The following SPARC variants were observed in gnomAD, a reference collection of about 807,000 sequenced individuals.
SPARC encodes the protein basement-membrane protein 40.
In SPARC, 23 loss-of-function variants were observed where a neutral mutation model predicts 37.7. The ratio of observed to expected loss-of-function variants is 0.61; its 90% CI spans 0.44 to 0.87. SPARC has a LOEUF of 0.87. SPARC is among the 40% of genes least tolerant of loss of function. SPARC has a pLI of 0.00. For missense variants in SPARC, 312 were observed against 389.0 expected (o/e 0.80, Z 1.66); for synonymous variants, 155 against 150.8 (o/e 1.03, Z -0.20).
At chr5:151,670,213 C>T (rs568517669) in intron 5 of SPARC, among the ~76,000 whole-genome samples, 4 of 152,336 alleles carry the variant, frequency 2.6e-5, no homozygotes, top group Admixed American at 1.3e-4. Context: ...GGAAACAGTT[C>T]TCTGCACTGT....
At chr5:151,681,829 G>A (rs959313742) in intron 1 of SPARC, among the ~76,000 whole-genome samples, 50 of 152,316 alleles carry the variant, frequency 3.3e-4, no homozygotes, top group African/African-American at 1.1e-3. Flanking sequence ...GGAGGCAGAG[G>A]TTGCAGTGAG....
intron 1 of SPARC, among the ~76,000 whole-genome samples, chr5:151,680,147 G>A (rs1223207886): frequency 6.7e-6 from 1 of 150,078 alleles, no homozygotes; most frequent in Non-Finnish European, 1.5e-5. Context: ...AAGGACTGAG[G>A]CCAATCCAAA....
chr5:151,685,418 T>TCACACACACACACACA (rs1300799488), intron 1 of SPARC, among the ~76,000 whole-genome samples: 1 of 62,012 alleles, frequency 1.6e-5, no homozygotes, highest in African/African-American at 4.5e-5. Context: ...TCTCCCTCTC[T>TCACACACACACACACA]CTCTCACACA....
At chr5:151,676,297 G>T in intron 1 of SPARC, 96 bp from the exon 2 acceptor site, 1 of 813,676 alleles carries the variant, frequency 1.2e-6, no homozygotes, top group Non-Finnish European at 2.0e-6. Context: ...ATGTTAGATG[G>T]TACAAGTTAA....
Position 151,680,132 on chromosome 5 carries a change from T to C in SPARC, c.-13-3931A>G, listed in dbSNP as rs529728873. 2.6e-5 allele frequency among the ~76,000 whole-genome samples: 4 copies of C among 151,346 alleles called. No homozygotes were observed. In the East Asian group the frequency reaches 7.7e-4, roughly 29 times the overall value. On this transcript the variant is annotated intron_variant, in intron 1 of 9. Coordinates refer to ENST00000231061, the MANE Select transcript of SPARC (RefSeq NM_003118.4). ...CCAATTTTTTTATTTAAAAATTTTA[T>C]GCAAAAGGACTGAGGCCAATCCAAA...
At chr5:151,667,348 G>T in intron 7 of SPARC, 119 bp downstream of exon 7, 3 of 1,109,600 alleles carry the variant, frequency 2.7e-6, no homozygotes, top group Non-Finnish European at 4.1e-6. Flanking sequence ...GTGTCCTGGT[G>T]CTCAGGGGTA....
At chr5:151,678,577 T>A (rs1233720357) in intron 1 of SPARC, among the ~76,000 whole-genome samples, 1 of 152,130 alleles carries the variant, frequency 6.6e-6, no homozygotes, top group Non-Finnish European at 1.5e-5. Flanking sequence ...ACTGTCCTAA[T>A]GGGGAATCTG....
At chr5:151,667,078 G>A (rs908757084) in intron 7 of SPARC, among the ~76,000 whole-genome samples, 1 of 152,128 alleles carries the variant, frequency 6.6e-6, no homozygotes, top group African/African-American at 2.4e-5. Flanking sequence ...CAGCTTCCTG[G>A]GCCTTGCTTT....
intron 3 of SPARC, 57 bp downstream of exon 3, chr5:151,674,555 T>G (rs988578413): frequency 6.4e-7 from 1 of 1,550,648 alleles, no homozygotes; most frequent in Non-Finnish European, 8.9e-7. Flanking sequence ...CCCTAATTTC[T>G]CAGGGCACAG....
At position 151,666,527 on chromosome 5, in the gene SPARC, G is replaced by T. The variant is rs1272609734; in HGVS notation, c.586-18C>A. 2 of 1,611,512 alleles carry T rather than the reference G, an allele frequency of 1.2e-6. No homozygotes were observed. The highest frequency in any genetic ancestry group is 2.2e-5 in the South Asian group (2 of 90,602). ...TTCTTCACCTGAGGGAGTAGAGACT[G>T]TGTGTGACAAGAGGTCCATGGAGAT... On this transcript the variant is annotated intron_variant, in intron 7 of 9. Coordinates refer to ENST00000231061, the MANE Select transcript of SPARC (RefSeq NM_003118.4).
intron 7 of SPARC, 73 bp from the exon 8 acceptor site, chr5:151,666,582 TC>T: frequency 7.0e-7 from 1 of 1,435,672 alleles, no homozygotes; most frequent in Non-Finnish European, 9.5e-7. Flanking sequence ...CTCCCACCCC[TC>T]CCAGAAGGCC....
Position 151,669,762 on chromosome 5 carries a change from G to T in SPARC, c.353C>A (p.Thr118Asn), listed in dbSNP as rs536199375. 6.2e-7 allele frequency: 1 copy of T among 1,614,200 alleles called. No individual in the cohort carries two copies. The highest frequency in any genetic ancestry group is 1.1e-5 in the South Asian group (1 of 91,084). Residue 118 changes from threonine (T) to asparagine (N), a missense_variant, in exon 6 of 10, where the codon ACC (threonine) becomes AAC (asparagine). Coordinates refer to ENST00000231061, the MANE Select transcript of SPARC (RefSeq NM_003118.4). ...AAAGAAGTGGCAGGAAGAGTCGAAG[G>T]TCTTGTTGTCATTGCTGCACACCTG... ...FEKVCSNDNK[T>N]FDSSCHFFAT...
chr5:151,673,071 C>T, intron 4 of SPARC, 58 bp downstream of exon 4: 1 of 1,256,958 alleles, frequency 8.0e-7, no homozygotes, highest in Non-Finnish European at 1.2e-6. Context: ...TCCTCGTGCC[C>T]CAGGCCCAGG....
At chr5:151,669,153 C>T (rs148230983) in intron 6 of SPARC, among the ~76,000 whole-genome samples, 95 of 152,242 alleles carry the variant, frequency 6.2e-4, no homozygotes, top group Admixed American at 2.3e-3. Context: ...CCTCTCTCTT[C>T]GGAGGGCAGA....
intron 1 of SPARC, chr5:151,676,810 A>C (rs1760868384): frequency 6.6e-6 from 1 of 152,206 alleles, no homozygotes; most frequent in Non-Finnish European, 1.5e-5. Context: ...CTCCCTCTGC[A>C]ATGGGAGAAG....
chr5:151,664,659 T>A (rs573286606), intron 8 of SPARC, among the ~76,000 whole-genome samples: 1 of 152,218 alleles, frequency 6.6e-6, no homozygotes, highest in Non-Finnish European at 1.5e-5. Context: ...ATATTGTCTA[T>A]GGACACACAT....
Position 151,664,168 on chromosome 5 carries a change from G to A in SPARC, c.802C>T (p.Arg268Cys), listed in dbSNP as rs747447780. Reference sequence around the variant, plus strand: ...TCCAGGTCACAGGTCTCGAAAAAGCGGGTGGTGCAATGCTCCATGGGGATG... The same window carrying A: ...TCCAGGTCACAGGTCTCGAAAAAGCAGGTGGTGCAATGCTCCATGGGGATG... ...PLIPMEHCTT[R>C]FFETCDLDND... The change falls in exon 9 of 10, where the codon CGC becomes TGC. Residue 268 changes from arginine (R) to cysteine (C), a missense_variant. Physicochemically the swap from Arg to Cys is radical, Grantham distance 180 (BLOSUM62 -3). Coordinates refer to ENST00000231061, the MANE Select transcript of SPARC (RefSeq NM_003118.4). The A allele has an allele frequency of 2.3e-5, 37 of 1,614,038 alleles. No individual in the cohort carries two copies. Among genetic ancestry groups the A allele is most frequent in the Admixed American group, 8.3e-5 (5 of 59,998 alleles).
At chr5:151,665,419 C>T (rs1023822829) in intron 8 of SPARC, among the ~76,000 whole-genome samples, 5 of 152,182 alleles carry the variant, frequency 3.3e-5, no homozygotes, top group African/African-American at 1.2e-4. Flanking sequence ...GAGACCCCAG[C>T]CCTCAGGATC....
chr5:151,673,294 G>T, intron 3 of SPARC, 78 bp from the exon 4 acceptor site: 1 of 976,450 alleles, frequency 1.0e-6, no homozygotes, highest in Non-Finnish European at 1.7e-6. Flanking sequence ...AGGGTTCCAG[G>T]TCACAGAAAG....
Sources: allele counts gnomAD v4.1 joint callset (sites outside exome capture counted in the v4.1 genomes callset), GRCh38; gene constraint gnomAD v4.1.1; transcripts MANE v1.5; gene names NCBI Gene and HGNC (gene_info 2026-07-23, HGNC 2026-07-21).